The following ADGB variants were observed in gnomAD, a reference collection of about 807,000 sequenced individuals.
The protein encoded by ADGB is calpain-7-like protein.
Under a neutral mutation model 210.5 loss-of-function variants are expected in ADGB, and 172 were observed. The ratio of observed to expected loss-of-function variants is 0.82; its 90% CI spans 0.72 to 0.93. ADGB has a LOEUF of 0.93. Ranked by LOEUF, ADGB falls within the 40% of genes least tolerant of loss-of-function variation. The pLI, the probability that ADGB is intolerant of heterozygous loss-of-function variation, is 0.00. For missense variants in ADGB, 2,025 were observed against 1,964.8 expected (o/e 1.03, Z -0.58); for synonymous variants, 658 against 662.7 (o/e 0.99, Z 0.11).
chr6:146,717,325 A>G (rs1196969671), intron 15 of ADGB, among the ~76,000 whole-genome samples: 1 of 152,182 alleles, frequency 6.6e-6, no homozygotes, highest in East Asian at 1.9e-4. Flanking sequence ...ATCTTAGGCC[A>G]GTTGCAGCTT....
chr6:146,738,753 CG>C (rs1280678244), intron 23 of ADGB, among the ~76,000 whole-genome samples: 1 of 152,110 alleles, frequency 6.6e-6, no homozygotes, highest in African/African-American at 2.4e-5. Context: ...CCACTGCGCC[CG>C]GCCGAATCCC....
intron 17 of ADGB, among the ~76,000 whole-genome samples, chr6:146,721,803 A>G (rs1009105627): frequency 6.6e-6 from 1 of 152,106 alleles, no homozygotes; most frequent in Non-Finnish European, 1.5e-5. Flanking sequence ...GCGCCATTGC[A>G]CTCCAACCTG....
At position 146,812,682 on chromosome 6, in the gene ADGB, G is replaced by C. The variant is rs569603704; in HGVS notation, c.4819-2350G>C. ...CACCTGGGAAGACAAACTTGTTATC[G>C]ACATTGTCAGCGTGAAATCTAACAG... On this transcript the variant is annotated intron_variant, in intron 35 of 35. Transcript: ENST00000397944. Among the ~76,000 whole-genome samples the C allele has an allele frequency of 2.6e-5, 4 of 152,280 alleles. No homozygotes were observed. In the East Asian group the frequency reaches 7.7e-4, roughly 29 times the overall value.
At chr6:146,730,286 C>A (rs1776960377) in intron 20 of ADGB, among the ~76,000 whole-genome samples, 1 of 152,076 alleles carries the variant, frequency 6.6e-6, no homozygotes, top group Non-Finnish European at 1.5e-5. Flanking sequence ...AAAAGGAAAA[C>A]AATTTACTGT....
chr6:146,691,475 T>TAAAAAAAA (rs1554231923), intron 11 of ADGB, among the ~76,000 whole-genome samples, 185 bp downstream of exon 11: 2 of 46,814 alleles, frequency 4.3e-5, no homozygotes, highest in African/African-American at 5.0e-4. Flanking sequence ...TATATATATA[T>TAAAAAAAA]AAATATATAT....
At position 146,673,672 on chromosome 6, in the gene ADGB, G is replaced by T. The variant is rs1217840115; in HGVS notation, c.1087+1205G>T. On this transcript the variant is annotated intron_variant, in intron 8 of 35. Coordinates refer to ENST00000397944, the MANE Select transcript of ADGB (RefSeq NM_024694.4). ...TTTCCTATTTAAAAAGTAAAAAGTGGCAGAACTTGACAATGATGACTGGTA... is the reference window on the plus strand; with the variant it reads ...TTTCCTATTTAAAAAGTAAAAAGTGTCAGAACTTGACAATGATGACTGGTA... 2.0e-5 allele frequency among the ~76,000 whole-genome samples: 3 copies of T among 151,998 alleles called. No homozygotes were observed. In the East Asian group the frequency reaches 5.8e-4, roughly 29 times the overall value.
At chr6:146,788,959 C>T (rs1777918891) in intron 33 of ADGB, among the ~76,000 whole-genome samples, 1 of 152,118 alleles carries the variant, frequency 6.6e-6, no homozygotes, top group Non-Finnish European at 1.5e-5. Context: ...TAGTATGCTA[C>T]AAGATAGATT....
Position 146,763,890 on chromosome 6 carries a change from C to A in ADGB, c.3551-11C>A, listed in dbSNP as rs142554558. On this transcript the variant is annotated splice_polypyrimidine_tract_variant and intron_variant, in intron 27 of 35. Transcript: ENST00000397944. ...ATATTTTAACTTTAACTTAGTATTT[C>A]TCCTATTCAGCTAGCAAGCACATTC... The A allele has an allele frequency of 0.012, 18,819 of 1,546,244 alleles. 156 individuals are homozygous for A. The highest frequency in any genetic ancestry group is 0.017 in the Middle Eastern group (97 of 5,848).
At chr6:146,771,551 C>T (rs1344725077) in intron 29 of ADGB, among the ~76,000 whole-genome samples, 4 of 152,108 alleles carry the variant, frequency 2.6e-5, no homozygotes, top group Admixed American at 6.6e-5. Flanking sequence ...CATACCGTGC[C>T]CCCGCCCCTG....
chr6:146,795,151 C>T (rs1439874640), intron 33 of ADGB, among the ~76,000 whole-genome samples: 1 of 152,052 alleles, frequency 6.6e-6, no homozygotes, highest in Non-Finnish European at 1.5e-5. Flanking sequence ...GCTAAGTAAA[C>T]AAACAACTAA....
chr6:146,799,755 T>A (rs976864858), intron 33 of ADGB, among the ~76,000 whole-genome samples: 6 of 152,040 alleles, frequency 3.9e-5, no homozygotes, highest in Non-Finnish European at 8.8e-5. Flanking sequence ...GATATCTCTG[T>A]ATGTACTTCC....
intron 22 of ADGB, among the ~76,000 whole-genome samples, chr6:146,735,332 T>G (rs73575936): frequency 6.6e-6 from 1 of 152,076 alleles, no homozygotes; most frequent in Non-Finnish European, 1.5e-5. Flanking sequence ...ATCAAGGGGT[T>G]TGCATCTGGA....
At position 146,656,836 on chromosome 6, in the gene ADGB, C is replaced by G. The variant is rs755500723; in HGVS notation, c.468C>G (p.Ser156Arg). The change falls in exon 5 of 36, where the codon AGC becomes AGG. Residue 156 changes from serine to arginine, a missense_variant. By Grantham distance (110) the Ser-to-Arg change is moderately radical. Coordinates refer to ENST00000397944, the MANE Select transcript of ADGB (RefSeq NM_024694.4). ...VWKIFNGGIL[S>R]NYFKGTSGEP... ...AGATCTTCAATGGAGGAATTTTGAG[C>G]AATTATTTTAAGGGGACTTCAGGGG... The G allele has an allele frequency of 1.4e-5, 22 of 1,551,112 alleles. No individual in the cohort carries two copies. The highest frequency in any genetic ancestry group is 2.0e-5 in the Admixed American group (1 of 50,858).
intron 26 of ADGB, among the ~76,000 whole-genome samples, chr6:146,746,743 A>G (rs999667517): frequency 3.9e-5 from 6 of 152,194 alleles, no homozygotes; most frequent in African/African-American, 1.4e-4. Flanking sequence ...AACCTTTGAT[A>G]ACGTTCCATT....
chr6:146,648,076 T>C (rs1024838424), intron 3 of ADGB, among the ~76,000 whole-genome samples: 10 of 152,110 alleles, frequency 6.6e-5, no homozygotes, highest in South Asian at 2.1e-4. Context: ...GTGGTCTTTT[T>C]AAAATAATAA....
intron 35 of ADGB, among the ~76,000 whole-genome samples, chr6:146,808,565 A>G (rs1445077210): frequency 6.6e-6 from 1 of 152,244 alleles, no homozygotes; most frequent in Non-Finnish European, 1.5e-5. Flanking sequence ...CAGGAAATTG[A>G]CTTTCTCCAA....
intron 5 of ADGB, among the ~76,000 whole-genome samples, chr6:146,658,451 A>G (rs968749648): frequency 6.6e-6 from 1 of 152,096 alleles, no homozygotes; most frequent in African/African-American, 2.4e-5. Context: ...AAAAGCGAGG[A>G]GATAAAATGC....
intron 17 of ADGB, among the ~76,000 whole-genome samples, chr6:146,723,460 G>T (rs1776849686): frequency 6.6e-6 from 1 of 152,156 alleles, no homozygotes; most frequent in African/African-American, 2.4e-5. Context: ...AACAGGTTGG[G>T]CATGGTGGCT....
intron 9 of ADGB, among the ~76,000 whole-genome samples, chr6:146,684,476 TGCTGAG>T (rs1377368273): frequency 6.6e-6 from 1 of 152,060 alleles, no homozygotes; most frequent in Non-Finnish European, 1.5e-5. Context: ...TACTGGTCAC[TGCTGAG>T]GGCCATTCTG....
Sources: allele counts gnomAD v4.1 joint callset (sites outside exome capture counted in the v4.1 genomes callset), GRCh38; gene constraint gnomAD v4.1.1; transcripts MANE v1.5; gene names NCBI Gene and HGNC (gene_info 2026-07-23, HGNC 2026-07-21).